XPO5: variants seen among roughly 807,000 people sequenced by gnomAD.
XPO5 encodes exportin-5.
Under a neutral mutation model 160.6 loss-of-function variants are expected in XPO5, and 46 were observed. The observed-to-expected ratio is 0.29, with a 90% CI of 0.23 to 0.37. XPO5 has a LOEUF of 0.37. Ranked by LOEUF, XPO5 falls within the 10% of genes least tolerant of loss-of-function variation. The probability of loss-of-function intolerance (pLI) is 1.00; values close to 1 mark genes in which losing one functional copy is unlikely to be tolerated. For missense variants in XPO5, 1,090 were observed against 1,463.9 expected, an observed-to-expected ratio of 0.74 and a Z score of 4.17; for synonymous variants, 537 against 519.3, an observed-to-expected ratio of 1.03 and a Z score of -0.46.
intron 15 of XPO5, among the ~76,000 whole-genome samples, chr6:43,550,427 G>A (rs1182320979): frequency 6.6e-6 from 1 of 152,104 alleles, no homozygotes; most frequent in African/African-American, 2.4e-5. Flanking sequence ...AGTCCTACTG[G>A]TCTTGTGACA....
Position 43,559,250 on chromosome 6 carries a change from T to C in XPO5, c.1222-659A>G, listed in dbSNP as rs1014936686. Among the ~76,000 whole-genome samples, 43 of 152,114 alleles carry C rather than the reference T, an allele frequency of 2.8e-4. 1 individual carries two copies. The highest frequency in any genetic ancestry group is 5.9e-5 in the Non-Finnish European group (4 of 68,016). ...AGGCAGAGGTTGCAGTGAGCCAAGA[T>C]CGTGCCACTGCACTCCAGCCTCGGT... is the stretch of plus-strand genomic sequence containing the variant. On this transcript the variant is annotated intron_variant, in intron 11 of 31. Transcript: ENST00000265351.
chr6:43,555,986 G>A (rs1762059175), intron 12 of XPO5, 22 bp from the exon 13 acceptor site: 1 of 1,611,990 alleles, frequency 6.2e-7, no homozygotes, highest in African/African-American at 1.3e-5. Context: ...AAATGCCAAG[G>A]GAAGGACAGG....
chr6:43,573,354 G>A, intron 2 of XPO5, 126 bp downstream of exon 2: 1 of 1,277,968 alleles, frequency 7.8e-7, no homozygotes. Flanking sequence ...ATAACATCTA[G>A]GGGATCATTC....
intron 7 of XPO5, among the ~76,000 whole-genome samples, chr6:43,566,963 T>C (rs192799176): frequency 3.9e-5 from 6 of 152,284 alleles, no homozygotes; most frequent in Admixed American, 2.0e-4. Flanking sequence ...TCAAGAACCA[T>C]GCAGCCTGAT....
chr6:43,554,360 C>G (rs1332194004), intron 13 of XPO5, among the ~76,000 whole-genome samples: 1 of 151,968 alleles, frequency 6.6e-6, no homozygotes, highest in Non-Finnish European at 1.5e-5. Flanking sequence ...ATCCACCCAC[C>G]TCAGCCTCCC....
intron 8 of XPO5, 100 bp downstream of exon 8, chr6:43,565,560 T>C (rs1164995769): frequency 1.8e-6 from 2 of 1,082,444 alleles, no homozygotes; most frequent in Non-Finnish European, 2.5e-6. Flanking sequence ...GCGAGATCCA[T>C]CTCAAAATAA....
At position 43,553,404 on chromosome 6, in the gene XPO5, A is replaced by G. The variant is rs780715795; in HGVS notation, c.1541T>C (p.Ile514Thr). Residue 514 changes from isoleucine (I) to threonine (T), a missense_variant, in exon 14 of 32, where the codon ATC becomes ACC. Physicochemically the swap from Ile to Thr is moderately conservative, Grantham distance 89 (BLOSUM62 -1). Coordinates refer to ENST00000265351, the MANE Select transcript of XPO5 (RefSeq NM_020750.3). Reference sequence around the variant, plus strand: ...ATTTAGTGTTCGAAACATCTGGGTGATAACACTTTCCAAAAAAAGAGTCAT... The same window carrying G: ...ATTTAGTGTTCGAAACATCTGGGTGGTAACACTTTCCAAAAAAAGAGTCAT... The part of the protein sequence containing the change: ...EAMTLFLESV[I>T]TQMFRTLNRE... 3.7e-5 allele frequency: 59 copies of G among 1,607,746 alleles called. No individual in the cohort carries two copies. The highest frequency in any genetic ancestry group is 4.3e-5 in the Non-Finnish European group (51 of 1,177,056).
chr6:43,535,305 T>C (rs888520967), intron 20 of XPO5, among the ~76,000 whole-genome samples: 2 of 149,956 alleles, frequency 1.3e-5, no homozygotes, highest in Non-Finnish European at 3.0e-5. Context: ...GAAGTGTTTC[T>C]ATGGCTGGGC....
chr6:43,545,212 A>G (rs1203258784), intron 20 of XPO5, among the ~76,000 whole-genome samples: 1 of 152,140 alleles, frequency 6.6e-6, no homozygotes, highest in African/African-American at 2.4e-5. Context: ...CACAATGACA[A>G]CTTTATCAGA....
intron 21 of XPO5, among the ~76,000 whole-genome samples, chr6:43,531,870 G>C (rs1218860933): frequency 1.3e-5 from 2 of 152,018 alleles, no homozygotes; most frequent in Admixed American, 6.6e-5. Context: ...ATAAAGCTCT[G>C]GGGATGCTCC....
Position 43,523,812 on chromosome 6 carries a change from C to T in XPO5, c.*56G>A, listed in dbSNP as rs750867044. On this transcript the variant is annotated 3_prime_UTR_variant, in exon 32 of 32. Coordinates refer to ENST00000265351, the MANE Select transcript of XPO5 (RefSeq NM_020750.3). Reference sequence around the variant, plus strand: ...GCAAGAAGGGCCTAGAGATCGGCTACAAAGGGAAAGAAGAGATGACAAGAA... The same window carrying T: ...GCAAGAAGGGCCTAGAGATCGGCTATAAAGGGAAAGAAGAGATGACAAGAA... 1 of 1,613,398 alleles carries T rather than the reference C, an allele frequency of 6.2e-7. No individual in the cohort carries two copies. Among genetic ancestry groups the T allele is most frequent in the Non-Finnish European group, 8.5e-7 (1 of 1,179,700 alleles).
rs758510285 is a variant in XPO5, at chr6:43,549,498, C to T, written c.1851G>A (p.Gln617=). ...GGGTCCAGCAGCTTACCAGCACAAGCTGGGGGTAGTCACGACACATCTTGA... is the reference window on the plus strand; with the variant it reads ...GGGTCCAGCAGCTTACCAGCACAAGTTGGGGGTAGTCACGACACATCTTGA... ...SIIKMCRDYP[Q]LVLPNFDMLY... Residue 617 remains glutamine (Q), a synonymous_variant, in exon 17 of 32, where the codon CAG becomes CAA. Coordinates refer to ENST00000265351, the MANE Select transcript of XPO5 (RefSeq NM_020750.3). 1 of 1,611,374 alleles carries T rather than the reference C, an allele frequency of 6.2e-7. No individual in the cohort carries two copies. Among genetic ancestry groups the T allele is most frequent in the Non-Finnish European group, 8.5e-7 (1 of 1,179,010 alleles).
intron 8 of XPO5, 21 bp downstream of exon 8, chr6:43,565,639 C>T (rs1315672303): frequency 2.6e-6 from 4 of 1,549,620 alleles, no homozygotes; most frequent in Admixed American, 2.1e-5. Context: ...AGAAAACACA[C>T]TGAAAAGTAA....
intron 31 of XPO5, among the ~76,000 whole-genome samples, 164 bp from the exon 32 acceptor site, chr6:43,524,169 T>C (rs1793383449): frequency 6.6e-6 from 1 of 152,026 alleles, no homozygotes; most frequent in South Asian, 2.1e-4. Context: ...CTGACCGACA[T>C]GGAGAAACCC....
At chr6:43,570,330 A>AAAAG (rs1365382810) in intron 5 of XPO5, among the ~76,000 whole-genome samples, 172 bp downstream of exon 5, 35 of 150,022 alleles carry the variant, frequency 2.3e-4, no homozygotes, top group African/African-American at 7.9e-4. Flanking sequence ...AAAAAAAAAA[A>AAAAG]AAAGAAAGAA....
intron 20 of XPO5, among the ~76,000 whole-genome samples, chr6:43,543,961 G>A (rs1309244783): frequency 6.6e-6 from 1 of 152,154 alleles, no homozygotes; most frequent in African/African-American, 2.4e-5. Flanking sequence ...ATAGGCATGA[G>A]CTACCGCGCC....
At chr6:43,572,138 C>A (rs1002444223) in intron 3 of XPO5, among the ~76,000 whole-genome samples, 1 of 152,192 alleles carries the variant, frequency 6.6e-6, no homozygotes, top group Admixed American at 6.5e-5. Context: ...AGTGCCATGG[C>A]ACCATCACAG....
chr6:43,548,493 G>T (rs1474990618), intron 17 of XPO5, 33 bp from the exon 18 acceptor site: 1 of 1,475,024 alleles, frequency 6.8e-7, no homozygotes, highest in Non-Finnish European at 9.1e-7. Flanking sequence ...GCCAGAGGTG[G>T]TAAAGGTCTG....
At chr6:43,556,070 A>G (rs1487690698) in intron 12 of XPO5, 106 bp from the exon 13 acceptor site, 2 of 1,457,362 alleles carry the variant, frequency 1.4e-6, no homozygotes, top group East Asian at 4.6e-5. Context: ...ATTCAAAGGA[A>G]CTGTTTTGCA....
Sources: allele counts gnomAD v4.1 joint callset (sites outside exome capture counted in the v4.1 genomes callset), GRCh38; gene constraint gnomAD v4.1.1; transcripts MANE v1.5; gene names NCBI Gene and HGNC (gene_info 2026-07-23, HGNC 2026-07-21).